Variants in TSPO observed in about 807,000 individuals in gnomAD.
TSPO encodes benzodiazepine peripheral binding site.
TSPO carries 14 observed loss-of-function variants against 13.9 expected under a neutral mutation model. That is an observed-to-expected ratio of 1.01 (90% CI 0.67 to 1.58). The LOEUF is 1.58. Among genes scored for constraint, TSPO ranks in the 40% most tolerant of loss-of-function variants. The pLI is 0.00. For synonymous variants in TSPO, 114 were observed against 105.9 expected, an observed-to-expected ratio of 1.08 and a Z score of -0.47; for missense variants, 232 against 229.6, an observed-to-expected ratio of 1.01 and a Z score of -0.07.
intron 2 of TSPO, 40 bp from the exon 3 acceptor site, chr22:43,161,012 T>A (rs1306764109): frequency 6.3e-7 from 1 of 1,589,470 alleles, no homozygotes; most frequent in Admixed American, 1.7e-5. Flanking sequence ...GCTCCTGGCC[T>A]TGTTCCTAAT....
intron 1 of TSPO, among the ~76,000 whole-genome samples, chr22:43,153,262 G>A (rs1036494221): frequency 2.7e-5 from 4 of 150,512 alleles, no homozygotes; most frequent in Non-Finnish European, 5.9e-5. Context: ...GGGCTCAAGC[G>A]ATCCTCCCAC....
intron 1 of TSPO, among the ~76,000 whole-genome samples, chr22:43,157,486 A>G (rs1931290087): frequency 6.6e-6 from 1 of 152,010 alleles, no homozygotes; most frequent in African/African-American, 2.4e-5. Context: ...GAGGGGAGGG[A>G]ATCATAGTAA....
At chr22:43,159,558 G>C (rs1221689528) in intron 2 of TSPO, 138 bp downstream of exon 2, 3 of 936,736 alleles carry the variant, frequency 3.2e-6, no homozygotes, top group Non-Finnish European at 4.4e-6. Flanking sequence ...GCCAGGGTGG[G>C]GAAGCTGTGG....
rs1434745798 is a variant in TSPO, at chr22:43,159,326, G to C, written c.88G>C (p.Gly30Arg). The C allele has an allele frequency of 6.5e-7, 1 of 1,548,790 alleles. No individual in the cohort carries two copies. The highest frequency in any genetic ancestry group is 1.4e-5 in the African/African-American group (1 of 73,050). Residue 30 changes from glycine (G) to arginine (R), a missense_variant, in exon 2 of 4, where the codon GGT becomes CGT. Transcript: ENST00000337554. ...FVGSRFVHGE[G>R]LRWYAGLQKP... is the part of the protein sequence containing the mutation. Reference sequence around the variant, plus strand: ...GGGCTCCCGCTTTGTCCACGGCGAGGGTCTCCGCTGGTACGCCGGCCTGCA... The same window carrying C: ...GGGCTCCCGCTTTGTCCACGGCGAGCGTCTCCGCTGGTACGCCGGCCTGCA...
At position 43,163,159 on chromosome 22, in the gene TSPO, A is replaced by T. The variant is rs1931512085; in HGVS notation, c.*168A>T. On this transcript the variant is annotated 3_prime_UTR_variant, in exon 4 of 4. Coordinates refer to ENST00000337554, the MANE Select transcript of TSPO (RefSeq NM_000714.6). ...CCCACCTGAGCCCCCACCCGGGAGC[A>T]GTGTCCTGTGCTTTCTGCATGCTTA... The T allele has an allele frequency of 8.2e-6, 12 of 1,455,928 alleles. No homozygotes were observed. The highest frequency in any genetic ancestry group is 1.1e-5 in the Non-Finnish European group (12 of 1,107,544). The allele number at this position is 1,455,928 out of a possible 1,614,324, so 90.2% of individuals were successfully genotyped here. A position where few individuals can be genotyped will look rare whatever the true frequency, so the allele number is the denominator to read the frequency against.
At chr22:43,159,081 T>C in intron 1 of TSPO, 129 bp from the exon 2 acceptor site, 1 of 717,522 alleles carries the variant, frequency 1.4e-6, no homozygotes, top group Non-Finnish European at 2.1e-6. Flanking sequence ...ACCCCGCACA[T>C]CTCTGCGCCT....
intron 1 of TSPO, among the ~76,000 whole-genome samples, chr22:43,157,258 C>G (rs1315654240): frequency 7.1e-6 from 1 of 140,588 alleles, no homozygotes; most frequent in Non-Finnish European, 1.5e-5. Flanking sequence ...AGCACGTGTA[C>G]CCTGGAAGCT....
chr22:43,152,269 A>G (rs1421522836), intron 1 of TSPO: 1 of 152,334 alleles, frequency 6.6e-6, no homozygotes, highest in East Asian at 1.9e-4. Flanking sequence ...TGGCCAGGGC[A>G]GCTGCCAGAG....
intron 3 of TSPO, 91 bp from the exon 4 acceptor site, chr22:43,162,712 C>T: frequency 1.0e-5 from 14 of 1,353,600 alleles, no homozygotes; most frequent in Non-Finnish European, 1.3e-5. Context: ...CTCCTGACTC[C>T]CAAATCCAGT....
chr22:43,158,832 G>C (rs552608282), intron 1 of TSPO, among the ~76,000 whole-genome samples: 1 of 152,214 alleles, frequency 6.6e-6, no homozygotes, highest in South Asian at 2.1e-4. Context: ...GAGTGAGTGA[G>C]TGAAAGGTGA....
At chr22:43,155,955 C>T (rs2033911601) in intron 1 of TSPO, among the ~76,000 whole-genome samples, 1 of 152,240 alleles carries the variant, frequency 6.6e-6, no homozygotes, top group Admixed American at 6.5e-5. Flanking sequence ...ACCGCCCCTG[C>T]CCACCTGTTC....
chr22:43,153,854 G>A (rs1341129943), intron 1 of TSPO, among the ~76,000 whole-genome samples: 1 of 152,068 alleles, frequency 6.6e-6, no homozygotes, highest in Non-Finnish European at 1.5e-5. Context: ...CTCCAGCTGG[G>A]CTCACTGCAA....
chr22:43,155,661 C>T (rs1011632635), intron 1 of TSPO, among the ~76,000 whole-genome samples: 1 of 152,208 alleles, frequency 6.6e-6, no homozygotes, highest in African/African-American at 2.4e-5. Flanking sequence ...TACCCCAGCC[C>T]CCCAAGAAGC....
intron 1 of TSPO, among the ~76,000 whole-genome samples, chr22:43,154,420 G>A (rs550489896): frequency 7.2e-5 from 11 of 151,958 alleles, no homozygotes; most frequent in Middle Eastern, 6.8e-3. Flanking sequence ...GTGCAGTGGC[G>A]TAATCTTGGC....
intron 1 of TSPO, among the ~76,000 whole-genome samples, chr22:43,155,411 C>G (rs1213643031): frequency 6.6e-6 from 1 of 152,200 alleles, no homozygotes; most frequent in Non-Finnish European, 1.5e-5. Context: ...CGTCCTGCGC[C>G]CTCTACCCTG....
rs994437867 is a variant in TSPO, at chr22:43,163,148, C to T, written c.*157C>T. On this transcript the variant is annotated 3_prime_UTR_variant, in exon 4 of 4. Transcript: ENST00000337554. ...TCAGAGGTGGCCCCACCTGAGCCCCCACCCGGGAGCAGTGTCCTGTGCTTT... is the reference window on the plus strand; with the variant it reads ...TCAGAGGTGGCCCCACCTGAGCCCCTACCCGGGAGCAGTGTCCTGTGCTTT... The T allele has an allele frequency of 1.6e-5, 24 of 1,463,370 alleles. No homozygotes were observed. The highest frequency in any genetic ancestry group is 7.1e-5 in the African/African-American group (5 of 70,718). 90.6% of individuals were successfully genotyped at this position (1,463,370 alleles called of 1,614,324 possible).
intron 1 of TSPO, among the ~76,000 whole-genome samples, chr22:43,157,329 G>A (rs1931284325): frequency 1.4e-5 from 2 of 147,290 alleles, no homozygotes; most frequent in Admixed American, 6.6e-5. Flanking sequence ...GAGGGAGCGG[G>A]AGGGAGAACA....
chr22:43,158,420 G>A (rs1931323755), intron 1 of TSPO, among the ~76,000 whole-genome samples: 1 of 152,212 alleles, frequency 6.6e-6, no homozygotes, highest in African/African-American at 2.4e-5. Flanking sequence ...TCTCAGACAA[G>A]AGCAGACGAC....
chr22:43,156,907 A>G (rs1000068385), intron 1 of TSPO, among the ~76,000 whole-genome samples: 1 of 152,106 alleles, frequency 6.6e-6, no homozygotes, highest in Non-Finnish European at 1.5e-5. Context: ...TGTCCTGGGA[A>G]AAGGCACGTA....
Sources: allele counts gnomAD v4.1 joint callset (sites outside exome capture counted in the v4.1 genomes callset), GRCh38; gene constraint gnomAD v4.1.1; transcripts MANE v1.5; gene names NCBI Gene and HGNC (gene_info 2026-07-23, HGNC 2026-07-21).